The following LRP1B variants were observed in gnomAD, a reference collection of about 807,000 sequenced individuals.
The protein encoded by LRP1B is LDL receptor related protein 1B.
In LRP1B, 217 loss-of-function variants were observed where a neutral mutation model predicts 556.6. The observed-to-expected ratio is 0.39, with a 90% CI of 0.35 to 0.44. The LOEUF (loss-of-function observed/expected upper bound fraction) is 0.44. Ranked by LOEUF, LRP1B falls within the 20% of genes least tolerant of loss-of-function variation. LRP1B has a pLI of 1.00. For missense variants in LRP1B, 5,053 were observed against 5,620.8 expected, an observed-to-expected ratio of 0.90 and a Z score of 3.23; for synonymous variants, 2,047 against 1,865.8, an observed-to-expected ratio of 1.10 and a Z score of -2.50.
intron 83 of LRP1B, among the ~76,000 whole-genome samples, chr2:140,305,212 T>G (rs1684014040): frequency 6.6e-6 from 1 of 152,198 alleles, no homozygotes; most frequent in South Asian, 2.1e-4. Context: ...GTTAGCTTAA[T>G]GGGGATGGCA....
intron 59 of LRP1B, among the ~76,000 whole-genome samples, chr2:140,484,592 C>A (rs1688387756): frequency 6.6e-6 from 1 of 152,112 alleles, no homozygotes; most frequent in South Asian, 2.1e-4. Flanking sequence ...CATTTTGGAG[C>A]ATGTAATCAC....
At chr2:141,986,053 T>C (rs890397631) in intron 1 of LRP1B, among the ~76,000 whole-genome samples, 2 of 151,944 alleles carry the variant, frequency 1.3e-5, no homozygotes, top group Non-Finnish European at 2.9e-5. Context: ...ATAAGTAATA[T>C]GGGCTTCTTT....
At chr2:141,111,687 T>A (rs1011113647) in intron 7 of LRP1B, among the ~76,000 whole-genome samples, 1 of 152,148 alleles carries the variant, frequency 6.6e-6, no homozygotes, top group Non-Finnish European at 1.5e-5. Context: ...GATTCAACTG[T>A]GAAGGCAGCA....
chr2:141,547,349 C>T (rs754924278), intron 2 of LRP1B, among the ~76,000 whole-genome samples: 10 of 152,136 alleles, frequency 6.6e-5, no homozygotes, highest in Non-Finnish European at 1.5e-4. Flanking sequence ...CTTGCAGCAG[C>T]CTGATAATTG....
At chr2:141,566,218 AAAC>A (rs1214446987) in intron 2 of LRP1B, among the ~76,000 whole-genome samples, 1 of 152,108 alleles carries the variant, frequency 6.6e-6, no homozygotes, top group African/African-American at 2.4e-5. Flanking sequence ...GAATCTGCAG[AAAC>A]AACAACAAAA....
intron 2 of LRP1B, among the ~76,000 whole-genome samples, chr2:141,634,409 G>C (rs753097784): frequency 9.9e-5 from 15 of 151,804 alleles, no homozygotes; most frequent in Admixed American, 6.6e-5. Context: ...AGGGATTTTA[G>C]AATATTGCCA....
At chr2:141,586,267 A>G (rs1448851704) in intron 2 of LRP1B, among the ~76,000 whole-genome samples, 5 of 152,212 alleles carry the variant, frequency 3.3e-5, no homozygotes, top group Non-Finnish European at 5.9e-5. Context: ...AAAGCCTTTA[A>G]AACCAATACC....
At chr2:141,799,161 T>C (rs761389266) in intron 2 of LRP1B, among the ~76,000 whole-genome samples, 2 of 152,146 alleles carry the variant, frequency 1.3e-5, no homozygotes, top group Non-Finnish European at 2.9e-5. Flanking sequence ...CTATGTTAGT[T>C]GGAATTCTAA....
chr2:140,724,157 A>G (rs1687509118), intron 35 of LRP1B, among the ~76,000 whole-genome samples: 1 of 152,136 alleles, frequency 6.6e-6, no homozygotes, highest in Admixed American at 6.6e-5. Flanking sequence ...AGTTCCGGTA[A>G]TCTTTTCTTA....
chr2:141,498,243 A>C lies in LRP1B; in HGVS notation c.206-17710T>G, dbSNP rs557442101. Reference sequence around the variant, plus strand: ...AAACAAAACCAAACAAACAAAAAACAGGAAGACTTTGGTGGTCTGAAATGA... The same window carrying C: ...AAACAAAACCAAACAAACAAAAAACCGGAAGACTTTGGTGGTCTGAAATGA... On this transcript the variant is annotated intron_variant, in intron 2 of 90. Transcript: ENST00000389484. 4.6e-3 allele frequency among the ~76,000 whole-genome samples: 658 copies of C among 142,770 alleles called. 2 individuals are homozygous for C. The highest frequency in any genetic ancestry group is 8.5e-3 in the Non-Finnish European group (556 of 65,346). 93.7% of individuals were successfully genotyped at this position (142,770 alleles called of 152,430 possible).
chr2:141,942,262 CT>C (rs1270890855), intron 1 of LRP1B, among the ~76,000 whole-genome samples: 1 of 152,180 alleles, frequency 6.6e-6, no homozygotes, highest in Non-Finnish European at 1.5e-5. Flanking sequence ...TTGACAGCTT[CT>C]TTAGGCACTG....
At position 140,536,342 on chromosome 2, in the gene LRP1B, A is replaced by T. The variant is rs1481199237; in HGVS notation, c.7642+239T>A. Among the ~76,000 whole-genome samples, 2 of 104,774 alleles carry T rather than the reference A, an allele frequency of 1.9e-5. 1 individual carries two copies. The highest frequency in any genetic ancestry group is 4.3e-5 in the Non-Finnish European group (2 of 46,332). The allele number at this position is 104,774 out of a possible 152,430, so 68.7% of individuals were successfully genotyped here. On this transcript the variant is annotated intron_variant, in intron 46 of 90. Coordinates refer to ENST00000389484, the MANE Select transcript of LRP1B (RefSeq NM_018557.3). ...AAAAAAAAAAAAAAAAAAAAAAAAA[A>T]GGCTATTTTGTGGATAGAAAACCAT...
chr2:142,023,560 C>T (rs192483714), intron 1 of LRP1B, among the ~76,000 whole-genome samples: 17 of 152,208 alleles, frequency 1.1e-4, no homozygotes, highest in African/African-American at 3.4e-4. Context: ...AAGGTCAATA[C>T]CTAAAGTTAA....
intron 2 of LRP1B, among the ~76,000 whole-genome samples, chr2:141,498,356 C>CTTTTTTTTTTTTTTT (rs67454706): frequency 6.9e-6 from 1 of 144,088 alleles, no homozygotes. Context: ...CTTTAAAATC[C>CTTTTTTTTTTTTTTT]TTTTTTTTTT....
At chr2:141,109,457 C>T (rs1700694591) in intron 7 of LRP1B, among the ~76,000 whole-genome samples, 1 of 152,020 alleles carries the variant, frequency 6.6e-6, no homozygotes, top group Admixed American at 6.6e-5. Flanking sequence ...GATTGTTATA[C>T]CAGGAGACAA....
In LRP1B at chr2:141,722,285, C is replaced by T. The variant is rs78504621; in HGVS notation, c.205+87994G>A. Reference sequence around the variant, plus strand: ...CACGGCTGCTCAGGACGCTAAGGCACGAGAATCGCTTGAACCTGGGAGGTG... The same window carrying T: ...CACGGCTGCTCAGGACGCTAAGGCATGAGAATCGCTTGAACCTGGGAGGTG... On this transcript the variant is annotated intron_variant, in intron 2 of 90. Coordinates refer to ENST00000389484, the MANE Select transcript of LRP1B (RefSeq NM_018557.3). Among the ~76,000 whole-genome samples, 936 of 152,092 alleles carry T rather than the reference C, an allele frequency of 6.2e-3. 14 individuals carry two copies. Among genetic ancestry groups the T allele is most frequent in the African/African-American group, 0.021 (887 of 41,518 alleles).
At chr2:140,272,768 TTA>T (rs1239954427) in intron 85 of LRP1B, among the ~76,000 whole-genome samples, 2 of 152,106 alleles carry the variant, frequency 1.3e-5, no homozygotes, top group East Asian at 3.9e-4. Flanking sequence ...ATCCAAAGAA[TTA>T]TGTTTGTATT....
chr2:141,076,966 G>T (rs1319267973), intron 7 of LRP1B, among the ~76,000 whole-genome samples: 2 of 152,186 alleles, frequency 1.3e-5, no homozygotes, highest in African/African-American at 4.8e-5. Context: ...AGTAGGCTAG[G>T]CTGGGTGTGG....
At chr2:141,080,036 T>G (rs1699886328) in intron 7 of LRP1B, among the ~76,000 whole-genome samples, 1 of 152,204 alleles carries the variant, frequency 6.6e-6, no homozygotes, top group African/African-American at 2.4e-5. Flanking sequence ...TTGACAAAAA[T>G]CGTTTATTTC....
Sources: allele counts gnomAD v4.1 joint callset (sites outside exome capture counted in the v4.1 genomes callset), GRCh38; gene constraint gnomAD v4.1.1; transcripts MANE v1.5; gene names NCBI Gene and HGNC (gene_info 2026-07-23, HGNC 2026-07-21).